APOBEC3F: variants seen among roughly 807,000 people sequenced by gnomAD.
APOBEC3F encodes the protein apolipoprotein B mRNA editing enzyme catalytic subunit 3F, also known as DNA dC->dU-editing enzyme APOBEC-3F.
A neutral mutation model predicts 45.8 loss-of-function variants in APOBEC3F; 34 were observed. The observed-to-expected ratio is 0.74, with a 90% confidence interval of 0.57 to 0.99. The LOEUF is 0.99. Ranked by LOEUF, APOBEC3F falls within the 50% of genes least tolerant of loss-of-function variation. APOBEC3F has a pLI of 0.00. For synonymous variants in APOBEC3F, 192 were observed against 174.4 expected (o/e 1.10, Z -0.80); for missense variants, 459 against 474.1 (o/e 0.97, Z 0.30).
At position 39,053,831 on chromosome 22, in the gene APOBEC3F, C is replaced by T. The variant is rs1053684381; in HGVS notation, c.*1136C>T. On this transcript the variant is annotated 3_prime_UTR_variant, in exon 7 of 7. Transcript: ENST00000308521. Reference sequence around the variant, plus strand: ...CTCCCAAAATGGACTTCTCTGCAAGCCTGACTCCTGAAACTGTGCATTGTA... The same window carrying T: ...CTCCCAAAATGGACTTCTCTGCAAGTCTGACTCCTGAAACTGTGCATTGTA... 5.9e-5 allele frequency: 9 copies of T among 152,152 alleles called. No individual in the cohort carries two copies. The highest frequency in any genetic ancestry group is 2.2e-4 in the African/African-American group (9 of 41,424). 9.4% of individuals were successfully genotyped at this position (152,152 alleles called of 1,614,324 possible).
Position 39,052,238 on chromosome 22 carries a change from C to T in APOBEC3F, c.888C>T (p.Asn296=), listed in dbSNP as rs539599057. The part of the protein sequence containing the change: ...EVAEFLARHS[N]VNLTIFTARL... ...CCGAGTTCCTGGCCAGGCACAGCAA[C>T]GTGAATCTCACCATCTTCACCGCCC... Residue 296 remains asparagine (N), a synonymous_variant, in exon 6 of 7, where the codon AAC becomes AAT. Coordinates refer to ENST00000308521, the MANE Select transcript of APOBEC3F (RefSeq NM_145298.6). 35 of 1,614,204 alleles carry T rather than the reference C, an allele frequency of 2.2e-5. No individual in the cohort carries two copies. Among genetic ancestry groups the T allele is most frequent in the Middle Eastern group, 1.7e-4 (1 of 6,060 alleles).
chr22:39,048,224 C>T (rs748636253), intron 4 of APOBEC3F, among the ~76,000 whole-genome samples: 22 of 152,198 alleles, frequency 1.4e-4, no homozygotes, highest in Non-Finnish European at 3.1e-4. Context: ...AGGGCTGGCC[C>T]GGAAAGGGGC....
At position 39,045,291 on chromosome 22, in the gene APOBEC3F, C is replaced by G; in HGVS notation, c.451+71C>G. 38 of 1,593,522 alleles carry G rather than the reference C, an allele frequency of 2.4e-5. No homozygotes were observed. In the Middle Eastern group the frequency reaches 1.8e-3, roughly 77 times the overall value. ...TGAAAGATGGATGGATCTGCAATGC[C>G]ATGGCTGGGGGTGTCCCAGGGCAGC... On this transcript the variant is annotated intron_variant, in intron 3 of 6. Coordinates refer to ENST00000308521, the MANE Select transcript of APOBEC3F (RefSeq NM_145298.6).
chr22:39,046,483 C>G (rs1410057560), intron 4 of APOBEC3F, among the ~76,000 whole-genome samples: 1 of 152,132 alleles, frequency 6.6e-6, no homozygotes, highest in African/African-American at 2.4e-5. Context: ...GGGCCCCACC[C>G]CATGGCTTCC....
intron 5 of APOBEC3F, among the ~76,000 whole-genome samples, chr22:39,051,615 G>A (rs1162776984): frequency 6.6e-6 from 1 of 151,752 alleles, no homozygotes; most frequent in Non-Finnish European, 1.5e-5. Context: ...AATTCAATGA[G>A]TAAAAAGCCC....
intron 4 of APOBEC3F, among the ~76,000 whole-genome samples, chr22:39,046,669 G>T (rs1408344452): frequency 5.9e-5 from 9 of 151,714 alleles, no homozygotes; most frequent in Admixed American, 6.6e-5. Context: ...CCAGGCTGGA[G>T]TGCTATGGTG....
rs1227422604 is a variant in APOBEC3F at position 39,049,456 on chromosome 22, T to A, written c.598T>A (p.Phe200Ile). 6.2e-7 allele frequency: 1 copy of A among 1,614,090 alleles called. No individual in the cohort carries two copies. The highest frequency in any genetic ancestry group is 8.5e-7 in the Non-Finnish European group (1 of 1,180,004). Residue 200 changes from phenylalanine (F) to isoleucine (I), a missense_variant, in exon 5 of 7, where the codon TTC (phenylalanine) becomes ATC (isoleucine). Physicochemically the swap from Phe to Ile is conservative, Grantham distance 21. Coordinates refer to ENST00000308521, the MANE Select transcript of APOBEC3F (RefSeq NM_145298.6). ...NPMEAMYPHI[F>I]YFHFKNLRKA... ...GATGGAGGCAATGTATCCACACATA[T>A]TCTACTTCCACTTTAAAAACCTACG...
chr22:39,052,985 A>AT lies in APOBEC3F; in HGVS notation c.*290_*291insT. The AT allele has an allele frequency of 5.8e-6, 2 of 344,126 alleles. No homozygotes were observed. Among genetic ancestry groups the AT allele is most frequent in the Non-Finnish European group, 4.6e-6 (1 of 217,886 alleles). The allele number at this position is 344,126 out of a possible 1,614,324, so 21.3% of individuals were successfully genotyped here. A position where few individuals can be genotyped will look rare whatever the true frequency, so the allele number is the denominator to read the frequency against. On this transcript the variant is annotated 3_prime_UTR_variant, in exon 7 of 7. Coordinates refer to ENST00000308521, the MANE Select transcript of APOBEC3F (RefSeq NM_145298.6). ...TTTTCCCATCTCCCCAGCATAACCT[A>AT]ATATTTTTTTTTTTTTTTTGAGACG... is the stretch of plus-strand genomic sequence containing the variant.
chr22:39,042,460 C>T (rs1204028534), intron 1 of APOBEC3F, among the ~76,000 whole-genome samples: 1 of 151,968 alleles, frequency 6.6e-6, no homozygotes, highest in Non-Finnish European at 1.5e-5. Flanking sequence ...TACAGGCACC[C>T]ACTACCACGC....
At position 39,049,527 on chromosome 22, in the gene APOBEC3F, AGTT is replaced by A; in HGVS notation, c.672_674del (p.Val225del). The A allele has an allele frequency of 1.2e-6, 2 of 1,614,078 alleles. No individual in the cohort carries two copies. The highest frequency in any genetic ancestry group is 1.7e-6 in the Non-Finnish European group (2 of 1,179,998). On this transcript the variant is annotated inframe_deletion, in exon 5 of 7. Coordinates refer to ENST00000308521, the MANE Select transcript of APOBEC3F (RefSeq NM_145298.6). ...AAAGCTGGCTGTGCTTCACCATGGA[AGTT>A]GTAAAGCACCACTCACCTGTCTCCT...
In APOBEC3F at chr22:39,049,445, A is replaced by G. The variant is rs369018699; in HGVS notation, c.587A>G (p.Tyr196Cys). 29 of 1,613,984 alleles carry G rather than the reference A, an allele frequency of 1.8e-5. 1 individual carries two copies. The highest frequency in any genetic ancestry group is 2.4e-5 in the Non-Finnish European group (28 of 1,180,006). The change falls in exon 5 of 7, where the codon TAT becomes TGT. Residue 196 changes from tyrosine (Y) to cysteine (C), a missense_variant. Coordinates refer to ENST00000308521, the MANE Select transcript of APOBEC3F (RefSeq NM_145298.6). ...EILRNPMEAM[Y>C]PHIFYFHFKN... is the part of the protein sequence containing the mutation. ...TTCAGAAACCCGATGGAGGCAATGT[A>G]TCCACACATATTCTACTTCCACTTT...
At chr22:39,042,297 T>G (rs960238036) in intron 1 of APOBEC3F, among the ~76,000 whole-genome samples, 1 of 150,162 alleles carries the variant, frequency 6.7e-6, no homozygotes, top group Non-Finnish European at 1.5e-5. Context: ...GTGAATAGTT[T>G]TATTCTCTCT....
At chr22:39,048,396 C>T (rs1165395398) in intron 4 of APOBEC3F, among the ~76,000 whole-genome samples, 3 of 152,178 alleles carry the variant, frequency 2.0e-5, no homozygotes, top group Admixed American at 2.0e-4. Context: ...CTAGGCTGGC[C>T]GGGCACAGTG....
At chr22:39,041,213 G>C (rs1207143136) in intron 1 of APOBEC3F, among the ~76,000 whole-genome samples, 1 of 151,824 alleles carries the variant, frequency 6.6e-6, no homozygotes, top group Non-Finnish European at 1.5e-5. Flanking sequence ...GCCCTGCTGA[G>C]ACTCTCCCCC....
At position 39,045,084 on chromosome 22, in the gene APOBEC3F, A is replaced by G. The variant is rs1927137998; in HGVS notation, c.315A>G (p.Glu105=). Residue 105 remains glutamate, a synonymous_variant, in exon 3 of 7, where the codon GAA becomes GAG. Transcript: ENST00000308521. ...CGGACTGTGTGGCGAAGCTGGCCGA[A>G]TTCCTGGCTGAGCACCCCAATGTCA... is the stretch of plus-strand genomic sequence containing the variant. ...PCPDCVAKLA[E]FLAEHPNVTL... is the part of the protein sequence containing the mutation. 1 of 1,613,738 alleles carries G rather than the reference A, an allele frequency of 6.2e-7. No homozygotes were observed. The highest frequency in any genetic ancestry group is 8.5e-7 in the Non-Finnish European group (1 of 1,179,932).
chr22:39,048,805 A>G lies in APOBEC3F; in HGVS notation c.567-620A>G, dbSNP rs376982821. Among the ~76,000 whole-genome samples the G allele has an allele frequency of 3.3e-5, 5 of 151,516 alleles. No individual in the cohort carries two copies. In the East Asian group the frequency reaches 5.8e-4, roughly 18 times the overall value. On this transcript the variant is annotated intron_variant, in intron 4 of 6. Transcript: ENST00000308521. ...CTGGCGACAGACTGAGACCCCGTAT[A>G]AAAATAAATAAATAAATAAAAGTAC...
chr22:39,047,201 A>C (rs1927266865), intron 4 of APOBEC3F, among the ~76,000 whole-genome samples: 1 of 152,062 alleles, frequency 6.6e-6, no homozygotes. Context: ...GTGGCCTTTG[A>C]ATGTGAAGGC....
At chr22:39,047,696 C>T (rs1477302100) in intron 4 of APOBEC3F, among the ~76,000 whole-genome samples, 4 of 152,052 alleles carry the variant, frequency 2.6e-5, no homozygotes, top group Non-Finnish European at 4.4e-5. Flanking sequence ...TTTACAGCTT[C>T]TGAATGGGCC....
intron 2 of APOBEC3F, chr22:39,044,415 T>C (rs1253037186): frequency 3.7e-6 from 5 of 1,365,870 alleles, no homozygotes; most frequent in Non-Finnish European, 4.7e-6. Flanking sequence ...CAGAAATGTA[T>C]GGGCTCGAGT....
Sources: allele counts gnomAD v4.1 joint callset (sites outside exome capture counted in the v4.1 genomes callset), GRCh38; gene constraint gnomAD v4.1.1; transcripts MANE v1.5; gene names NCBI Gene and HGNC (gene_info 2026-07-23, HGNC 2026-07-21).